Variants in DENND1B observed in about 807,000 individuals in gnomAD.
The protein encoded by DENND1B is DENN domain-containing protein 1B.
Under a neutral mutation model 90.1 loss-of-function variants are expected in DENND1B, and 59 were observed. The ratio of observed to expected loss-of-function variants is 0.65; its 90% CI spans 0.53 to 0.81. The LOEUF (loss-of-function observed/expected upper bound fraction) is 0.81. Among genes scored for constraint, DENND1B ranks in the 40% least tolerant of loss-of-function variants. The probability of loss-of-function intolerance (pLI) is 0.00; values close to 1 mark genes in which losing one functional copy is unlikely to be tolerated. For missense variants in DENND1B, 862 were observed against 912.6 expected (o/e 0.94, Z 0.71); for synonymous variants, 337 against 324.6 (o/e 1.04, Z -0.41).
intron 2 of DENND1B, chr1:197,734,393 TG>T: frequency 2.0e-6 from 2 of 984,890 alleles, no homozygotes; most frequent in African/African-American, 1.7e-5. Flanking sequence ...CAAGGGGCTT[TG>T]GGGACTGCTG....
At chr1:197,664,639 G>A (rs1438001997) in intron 5 of DENND1B, among the ~76,000 whole-genome samples, 1 of 152,056 alleles carries the variant, frequency 6.6e-6, no homozygotes, top group African/African-American at 2.4e-5. Context: ...AAATAGTCAG[G>A]TAACCACTAA....
At chr1:197,740,063 A>T (rs1663070066) in intron 2 of DENND1B, among the ~76,000 whole-genome samples, 1 of 152,226 alleles carries the variant, frequency 6.6e-6, no homozygotes, top group Non-Finnish European at 1.5e-5. Flanking sequence ...GGGCAGGCAT[A>T]TAACCTAATT....
Position 197,639,640 on chromosome 1 carries a change from T to G in DENND1B, c.672+3071A>C, listed in dbSNP as rs749277083. ...GTATACTTAAAAAATTAAAAATGGA[T>G]AAAACGTTAATTTCGAACATTAAAC... On this transcript the variant is annotated intron_variant, in intron 10 of 22. Transcript: ENST00000620048. Among the ~76,000 whole-genome samples, 5 of 152,216 alleles carry G rather than the reference T, an allele frequency of 3.3e-5. No individual in the cohort carries two copies. In the South Asian group the frequency reaches 8.3e-4, roughly 25 times the overall value.
At chr1:197,770,830 ATC>A (rs1393957480) in intron 2 of DENND1B, among the ~76,000 whole-genome samples, 15 of 97,022 alleles carry the variant, frequency 1.5e-4, no homozygotes, top group African/African-American at 3.9e-4. Context: ...GTAAATATAT[ATC>A]TATAAATATA....
chr1:197,584,651 T>C (rs893085494), intron 14 of DENND1B, among the ~76,000 whole-genome samples: 1 of 152,226 alleles, frequency 6.6e-6, no homozygotes, highest in African/African-American at 2.4e-5. Context: ...TACACATTTT[T>C]ATACAGATGA....
chr1:197,772,991 G>C, intron 1 of DENND1B, 59 bp from the exon 2 acceptor site: 3 of 1,357,700 alleles, frequency 2.2e-6, no homozygotes, highest in Admixed American at 2.0e-5. Context: ...CATGAAACTT[G>C]TATTTTCTTA....
chr1:197,593,349 C>A (rs1295237542), intron 14 of DENND1B, among the ~76,000 whole-genome samples: 2 of 145,888 alleles, frequency 1.4e-5, no homozygotes, highest in Non-Finnish European at 1.5e-5. Flanking sequence ...AATGAAAATA[C>A]TCCTAAAAAA....
At chr1:197,741,541 T>C (rs1310632294) in intron 2 of DENND1B, among the ~76,000 whole-genome samples, 1 of 152,192 alleles carries the variant, frequency 6.6e-6, no homozygotes, top group African/African-American at 2.4e-5. Context: ...AACCTAATTA[T>C]CAAATTGACA....
intron 18 of DENND1B, among the ~76,000 whole-genome samples, chr1:197,544,922 GAAAA>G (rs1670642443): frequency 6.6e-5 from 7 of 105,654 alleles, no homozygotes; most frequent in Admixed American, 4.0e-4. Flanking sequence ...AAAAGAAGAA[GAAAA>G]GAGAAGAAGA....
chr1:197,716,743 G>T (rs766774701), intron 2 of DENND1B, among the ~76,000 whole-genome samples: 1 of 151,686 alleles, frequency 6.6e-6, no homozygotes, highest in Non-Finnish European at 1.5e-5. Flanking sequence ...GAAATTACAG[G>T]GTTTCAATGT....
intron 3 of DENND1B, among the ~76,000 whole-genome samples, chr1:197,675,364 T>C (rs946032501): frequency 6.6e-6 from 1 of 152,026 alleles, no homozygotes; most frequent in Non-Finnish European, 1.5e-5. Flanking sequence ...AAATAAAACA[T>C]TATAAAATTC....
At position 197,505,958 on chromosome 1, in the gene DENND1B, C is replaced by A. The variant is rs1667710798; in HGVS notation, c.*4502G>T. ...TCTAAGGTACAGGATTTTCTTATTG[C>A]ATATTTATTGTTGCTGAGGCAGTTA... is the stretch of plus-strand genomic sequence containing the variant. On this transcript the variant is annotated 3_prime_UTR_variant, in exon 23 of 23. Transcript: ENST00000620048. 1 of 151,470 alleles carries A rather than the reference C, an allele frequency of 6.6e-6. No individual in the cohort carries two copies. The highest frequency in any genetic ancestry group is 6.6e-5 in the Admixed American group (1 of 15,164). 9.4% of individuals were successfully genotyped at this position (151,470 alleles called of 1,614,324 possible).
At chr1:197,582,736 A>G (rs1386007876) in intron 15 of DENND1B, among the ~76,000 whole-genome samples, 2 of 152,200 alleles carry the variant, frequency 1.3e-5, no homozygotes, top group Admixed American at 6.5e-5. Flanking sequence ...CAAAGCTTAA[A>G]AAGTTAAATA....
At position 197,636,698 on chromosome 1, in the gene DENND1B, T is replaced by G. The variant is rs192352602; in HGVS notation, c.672+6013A>C. Among the ~76,000 whole-genome samples the G allele has an allele frequency of 3.3e-5, 5 of 152,294 alleles. No individual in the cohort carries two copies. In the East Asian group the frequency reaches 9.6e-4, roughly 29 times the overall value. On this transcript the variant is annotated intron_variant, in intron 10 of 22. Transcript: ENST00000620048. ...TTGGCTATAATTATTAATAACATCA[T>G]CATTTTATGTAAGTGAATTCAGTAT... is the stretch of plus-strand genomic sequence containing the variant.
chr1:197,781,643 T>C, the DENND1B span, among the ~76,000 whole-genome samples: 1 of 152,184 alleles, frequency 6.6e-6, no homozygotes, highest in South Asian at 2.1e-4. Context: ...GAGGTGGGGA[T>C]TCGGGATCAA....
At chr1:197,715,168 C>T (rs1660529367) in intron 2 of DENND1B, 94 bp from the exon 3 acceptor site, 2 of 926,918 alleles carry the variant, frequency 2.2e-6, no homozygotes, top group South Asian at 3.8e-5. Flanking sequence ...GTCAAAGCTA[C>T]TTTAATTACA....
At chr1:197,735,353 C>T in intron 2 of DENND1B, 1 of 1,326,890 alleles carries the variant, frequency 7.5e-7, no homozygotes, top group Non-Finnish European at 9.7e-7. Context: ...ACAGCTCCAC[C>T]TTGGCTTTTG....
At chr1:197,610,546 C>T (rs920351878) in intron 12 of DENND1B, among the ~76,000 whole-genome samples, 1 of 150,222 alleles carries the variant, frequency 6.7e-6, no homozygotes, top group African/African-American at 2.4e-5. Context: ...ATTATGTATC[C>T]TATTAGATTC....
intron 13 of DENND1B, among the ~76,000 whole-genome samples, chr1:197,597,550 T>C (rs1421398): frequency 0.96 from 145,402 of 151,830 alleles, 69,922 homozygotes; most frequent in South Asian, 1. Flanking sequence ...CAATGTTCTC[T>C]GGACAATCAC....
Sources: allele counts gnomAD v4.1 joint callset (sites outside exome capture counted in the v4.1 genomes callset), GRCh38; gene constraint gnomAD v4.1.1; transcripts MANE v1.5; gene names NCBI Gene and HGNC (gene_info 2026-07-23, HGNC 2026-07-21).